The following MAGI2 variants were observed in gnomAD, a reference collection of about 807,000 sequenced individuals.
MAGI2 encodes the protein membrane associated guanylate kinase, WW and PDZ domain containing 2.
A neutral mutation model predicts 133.3 loss-of-function variants in MAGI2; 35 were observed. That is an observed-to-expected ratio of 0.26 (90% CI 0.20 to 0.35). The LOEUF (loss-of-function observed/expected upper bound fraction) is 0.35, where lower values mean the gene tolerates loss of function less well. MAGI2 is among the 10% of genes least tolerant of loss of function. MAGI2 has a pLI of 1.00. For synonymous variants in MAGI2, 729 were observed against 710.6 expected (o/e 1.03, Z -0.41); for missense variants, 1,636 against 1,863.4 (o/e 0.88, Z 2.25).
chr7:78,230,713 C>T (rs1789882144), intron 10 of MAGI2, among the ~76,000 whole-genome samples: 1 of 152,142 alleles, frequency 6.6e-6, no homozygotes, highest in Non-Finnish European at 1.5e-5. Context: ...TTGGAAGGCC[C>T]CTATTTCATT....
At chr7:78,666,392 T>C (rs551429338) in intron 2 of MAGI2, among the ~76,000 whole-genome samples, 2 of 152,208 alleles carry the variant, frequency 1.3e-5, no homozygotes, top group Non-Finnish European at 2.9e-5. Context: ...GAGTTCATTG[T>C]ATAGTTCATT....
chr7:79,379,716 T>C (rs1313119937), intron 1 of MAGI2, among the ~76,000 whole-genome samples: 2 of 152,036 alleles, frequency 1.3e-5, no homozygotes, highest in East Asian at 1.9e-4. Flanking sequence ...TGGCCAGTGA[T>C]GATGAGCATT....
intron 6 of MAGI2, among the ~76,000 whole-genome samples, chr7:78,489,560 A>T (rs950080945): frequency 6.6e-6 from 1 of 152,124 alleles, no homozygotes; most frequent in East Asian, 1.9e-4. Context: ...TATTCAGCAC[A>T]GTCTCCTCAG....
intron 6 of MAGI2, among the ~76,000 whole-genome samples, chr7:78,473,184 G>A (rs1183986700): frequency 6.6e-6 from 1 of 152,090 alleles, no homozygotes; most frequent in Non-Finnish European, 1.5e-5. Flanking sequence ...AGCCCATAAA[G>A]TGACTCAAAG....
At chr7:78,675,583 G>C (rs931832082) in intron 2 of MAGI2, among the ~76,000 whole-genome samples, 2 of 152,050 alleles carry the variant, frequency 1.3e-5, no homozygotes, top group African/African-American at 4.8e-5. Context: ...TCAGAGTCAG[G>C]CTTTGCTCCG....
intron 2 of MAGI2, among the ~76,000 whole-genome samples, chr7:78,736,404 G>A (rs1821849396): frequency 6.6e-6 from 1 of 152,170 alleles, no homozygotes; most frequent in Admixed American, 6.5e-5. Context: ...GGAAAACAAG[G>A]AACAGAAACT....
chr7:78,234,265 T>A (rs1180790235), intron 10 of MAGI2, among the ~76,000 whole-genome samples: 2 of 152,180 alleles, frequency 1.3e-5, no homozygotes, highest in Non-Finnish European at 2.9e-5. Flanking sequence ...CATTTTCCAA[T>A]CTACTAGCAG....
intron 6 of MAGI2, among the ~76,000 whole-genome samples, chr7:78,435,710 C>T (rs1416818857): frequency 6.6e-6 from 1 of 152,120 alleles, no homozygotes; most frequent in East Asian, 1.9e-4. Flanking sequence ...CATAAATCTC[C>T]CAGCACTCAC....
At chr7:79,103,562 C>A (rs1029689711) in intron 1 of MAGI2, among the ~76,000 whole-genome samples, 1 of 152,070 alleles carries the variant, frequency 6.6e-6, no homozygotes, top group African/African-American at 2.4e-5. Flanking sequence ...ATTTTAAGAA[C>A]AGGCAAACTT....
intron 18 of MAGI2, among the ~76,000 whole-genome samples, chr7:78,128,506 AG>A (rs914304969): frequency 4.8e-4 from 73 of 152,324 alleles, no homozygotes; most frequent in African/African-American, 1.6e-3. Flanking sequence ...AGCAAGAAAA[AG>A]CTCAAATGTG....
intron 6 of MAGI2, among the ~76,000 whole-genome samples, chr7:78,384,080 C>T (rs5885051): frequency 4.3e-4 from 19 of 44,102 alleles, no homozygotes; most frequent in Non-Finnish European, 8.8e-4. Flanking sequence ...TATTTGTGCT[C>T]TTTTTTTTTG....
intron 7 of MAGI2, among the ~76,000 whole-genome samples, chr7:78,352,544 C>T (rs755817219): frequency 6.6e-6 from 1 of 152,122 alleles, no homozygotes; most frequent in Non-Finnish European, 1.5e-5. Context: ...GGGGAAATGT[C>T]AGTTTGCTTT....
At chr7:79,201,002 T>C (rs1828561295) in intron 1 of MAGI2, among the ~76,000 whole-genome samples, 1 of 152,010 alleles carries the variant, frequency 6.6e-6, no homozygotes, top group Non-Finnish European at 1.5e-5. Context: ...AGTACACACA[T>C]TTGTTAAGGC....
chr7:78,758,181 T>A (rs1322554790), intron 2 of MAGI2, among the ~76,000 whole-genome samples: 1 of 152,180 alleles, frequency 6.6e-6, no homozygotes, highest in East Asian at 1.9e-4. Flanking sequence ...GATCACCACC[T>A]AACATTATAA....
At chr7:78,966,242 T>C (rs897048166) in intron 2 of MAGI2, among the ~76,000 whole-genome samples, 3 of 152,124 alleles carry the variant, frequency 2.0e-5, no homozygotes, top group African/African-American at 4.8e-5. Flanking sequence ...CAAGGCAGAA[T>C]TGTTAACTAT....
intron 1 of MAGI2, among the ~76,000 whole-genome samples, chr7:79,356,255 G>C (rs1842011825): frequency 1.3e-5 from 2 of 152,086 alleles, no homozygotes; most frequent in Non-Finnish European, 2.9e-5. Context: ...ACAATCATTA[G>C]TTAGAATGAT....
chr7:78,649,237 A>AAAAAAAAAAAAAAAAAAG (rs1563294737), intron 2 of MAGI2, among the ~76,000 whole-genome samples: 20 of 65,464 alleles, frequency 3.1e-4, no homozygotes, highest in African/African-American at 5.9e-4. Flanking sequence ...AAAAAAAAAG[A>AAAAAAAAAAAAAAAAAAG]AAAAAAAAGA....
chr7:79,179,791 C>T (rs192251070), intron 1 of MAGI2, among the ~76,000 whole-genome samples: 5 of 152,072 alleles, frequency 3.3e-5, no homozygotes, highest in African/African-American at 1.2e-4. Flanking sequence ...GGATTAAAAA[C>T]TTGAATGTAA....
At chr7:78,328,502 A>AACAAACACACACACACACACACACAC (rs1554346528) in intron 9 of MAGI2, among the ~76,000 whole-genome samples, 1 of 105,098 alleles carries the variant, frequency 9.5e-6, no homozygotes, top group East Asian at 2.6e-4. Flanking sequence ...CCAGCTCTAA[A>AACAAACACACACACACACACACACAC]ACACACACAC....
Sources: gnomAD v4.1 joint callset for allele counts (sites outside exome capture counted in the v4.1 genomes callset) on GRCh38, gnomAD v4.1.1 for gene constraint, MANE v1.5 for transcripts, NCBI Gene and HGNC (gene_info 2026-07-23, HGNC 2026-07-21) for gene names.